GON4L: variants seen among roughly 807,000 people sequenced by gnomAD.
GON4L encodes the protein gon-4 like.
GON4L carries 87 observed loss-of-function variants against 211.8 expected under a neutral mutation model. That is an observed-to-expected ratio of 0.41 (90% confidence interval 0.35 to 0.49). GON4L has a LOEUF of 0.49. Among genes scored for constraint, GON4L ranks in the 20% least tolerant of loss-of-function variants. The probability of loss-of-function intolerance (pLI) is 0.15; values close to 1 mark genes in which losing one functional copy is unlikely to be tolerated. For missense variants in GON4L, 2,155 were observed against 2,659.5 expected (o/e 0.81, Z 4.17); for synonymous variants, 875 against 962.6 (o/e 0.91, Z 1.68).
intron 3 of GON4L, 92 bp downstream of exon 3, chr1:155,826,745 G>C: frequency 1.2e-6 from 1 of 842,656 alleles, no homozygotes; most frequent in East Asian, 2.6e-5. Context: ...AAAATATAGT[G>C]AATTCAGGAT....
chr1:155,832,673 A>C (rs963332939), intron 2 of GON4L, among the ~76,000 whole-genome samples: 11 of 152,134 alleles, frequency 7.2e-5, no homozygotes, highest in African/African-American at 2.7e-4. Context: ...TAACAACAAC[A>C]AAAAGGTATC....
At position 155,816,084 on chromosome 1, in the gene GON4L, G is replaced by A. The variant is rs149771634; in HGVS notation, c.1065+128C>T. 365 of 700,138 alleles carry A rather than the reference G, an allele frequency of 5.2e-4. 1 individual carries two copies. The African/African-American group carries it at 6.0e-3, about 12-fold the overall frequency. 43.4% of individuals were successfully genotyped at this position (700,138 alleles called of 1,614,324 possible). A position where few individuals can be genotyped will look rare whatever the true frequency, so the allele number is the denominator to read the frequency against. On this transcript the variant is annotated intron_variant, in intron 7 of 31. Coordinates refer to ENST00000368331, the MANE Select transcript of GON4L (RefSeq NM_001282860.2). ...ATGAGATACAAACCTAAGAGTAATA[G>A]AATGGAAAAAAACAAAGCTGGAATT...
intron 12 of GON4L, among the ~76,000 whole-genome samples, chr1:155,793,377 A>T (rs1028129941): frequency 3.3e-5 from 5 of 152,202 alleles, no homozygotes; most frequent in African/African-American, 1.2e-4. Context: ...CTTTACACAA[A>T]GAACTGCATT....
chr1:155,764,613 T>C (rs1662231458), intron 21 of GON4L: 2 of 436,412 alleles, frequency 4.6e-6, no homozygotes, highest in African/African-American at 2.0e-5. Flanking sequence ...CTAATTTTTG[T>C]TATTTTTAAT....
Position 155,765,504 on chromosome 1 carries a change from T to C in GON4L, c.3969A>G (p.Glu1323=), listed in dbSNP as rs138156750. Reference sequence around the variant, plus strand: ...CTTCTTCAGGTTCCATCTTGACAATTTCCTCTAAATCCCCAGGGGTAGGGT... The same window carrying C: ...CTTCTTCAGGTTCCATCTTGACAATCTCCTCTAAATCCCCAGGGGTAGGGT... ...LNNPTPGDLE[E]IVKMEPEEAR... The change falls in exon 21 of 32, where the codon GAA becomes GAG. Residue 1323 remains glutamate, a synonymous_variant. Transcript: ENST00000368331. 5 of 1,614,070 alleles carry C rather than the reference T, an allele frequency of 3.1e-6. No homozygotes were observed. The African/African-American group carries it at 6.7e-5, about 22-fold the overall frequency.
At position 155,763,454 on chromosome 1, in the gene GON4L, C is replaced by T. The variant is rs754443748; in HGVS notation, c.4584G>A (p.Glu1528=). 3.9e-6 allele frequency: 6 copies of T among 1,557,034 alleles called. 1 individual carries two copies. In the South Asian group the frequency reaches 5.9e-5, roughly 15 times the overall value. ...TTTCCATTCCTTCTGCTTCTTCTTC[C>T]TCCTCTTCTTCTGGCTCAGAGTTCT... ...QEENSEPEEE[E]EEEAEGMESL... Residue 1528 remains glutamate (E), a synonymous_variant, in exon 22 of 32, where the codon GAG becomes GAA. Transcript: ENST00000368331.
Position 155,753,301 on chromosome 1 carries a change from A to C in GON4L, c.5745T>G (p.Asp1915Glu). 6.2e-7 allele frequency: 1 copy of C among 1,611,936 alleles called. No homozygotes were observed. Among genetic ancestry groups the C allele is most frequent in the Non-Finnish European group, 8.5e-7 (1 of 1,179,534 alleles). Residue 1915 changes from aspartate (D) to glutamate (E), a missense_variant, in exon 29 of 32, where the codon GAT becomes GAG. Physicochemically the swap from Asp to Glu is conservative, Grantham distance 45 (BLOSUM62 2). Coordinates refer to ENST00000368331, the MANE Select transcript of GON4L (RefSeq NM_001282860.2). Reference protein sequence around the residue: ...PGAKEAGQGKDMMEEEAPEER... With the variant: ...PGAKEAGQGKEMMEEEAPEER... Reference sequence around the variant, plus strand: ...CCTCTGGGGCTTCCTCTTCCATCATATCCTTGCCCTGCCCAGCTTCCTTAG... The same window carrying C: ...CCTCTGGGGCTTCCTCTTCCATCATCTCCTTGCCCTGCCCAGCTTCCTTAG...
chr1:155,807,703 CAAAAA>C (rs61248477), intron 10 of GON4L, among the ~76,000 whole-genome samples: 11 of 52,910 alleles, frequency 2.1e-4, no homozygotes, highest in African/African-American at 6.5e-4. Flanking sequence ...GACTCCGTCT[CAAAAA>C]AAAAAAAAAA....
chr1:155,767,476 C>T lies in GON4L; in HGVS notation c.2712G>A (p.Gln904=). 2 of 1,612,640 alleles carry T rather than the reference C, an allele frequency of 1.2e-6. No individual in the cohort carries two copies. The highest frequency in any genetic ancestry group is 1.7e-6 in the Non-Finnish European group (2 of 1,178,854). The change falls in exon 20 of 32, where the codon CAG becomes CAA. Residue 904 remains glutamine (Q), a synonymous_variant. Transcript: ENST00000368331. Reference sequence around the variant, plus strand: ...CTTCTCTCTCTATAGGTGGCTTCCACTGATGTGGCTGGATCTCTTCACAGC... The same window carrying T: ...CTTCTCTCTCTATAGGTGGCTTCCATTGATGTGGCTGGATCTCTTCACAGC... ...GKCCEEIQPH[Q]WKPPIEREEH... is the part of the protein sequence containing the mutation.
At position 155,827,004 on chromosome 1, in the gene GON4L, C is replaced by T. The variant is rs761557567; in HGVS notation, c.530G>A (p.Gly177Glu). Residue 177 changes from glycine (G) to glutamate (E), a missense_variant, in exon 3 of 32, where the codon GGG becomes GAG. By Grantham distance (98) the Gly-to-Glu change is moderately conservative (BLOSUM62 -2). Coordinates refer to ENST00000368331, the MANE Select transcript of GON4L (RefSeq NM_001282860.2). ...EGGKPQMNSE[G>E]EIPSLPSGSQ... ...GCCTGATGGCAGGGAAGGTATCTCC[C>T]CTTCAGAATTCATTTGAGGTTTCCC... 6 of 1,613,508 alleles carry T rather than the reference C, an allele frequency of 3.7e-6. No homozygotes were observed. Among genetic ancestry groups the T allele is most frequent in the African/African-American group, 2.7e-5 (2 of 74,910 alleles).
intron 2 of GON4L, among the ~76,000 whole-genome samples, chr1:155,834,185 C>T (rs918728309): frequency 1.3e-5 from 2 of 152,172 alleles, no homozygotes; most frequent in Non-Finnish European, 2.9e-5. Flanking sequence ...CCTGAATCTA[C>T]TCTCCAAGAT....
intron 10 of GON4L, among the ~76,000 whole-genome samples, chr1:155,810,390 T>C (rs973188310): frequency 5.3e-5 from 8 of 152,104 alleles, no homozygotes; most frequent in Non-Finnish European, 8.8e-5. Context: ...GCAAGAATGA[T>C]AGGGGAAACT....
At chr1:155,763,598 T>G (rs1460277200) in intron 21 of GON4L, 34 bp from the exon 22 acceptor site, 1 of 1,495,416 alleles carries the variant, frequency 6.7e-7, no homozygotes, top group Non-Finnish European at 8.9e-7. Flanking sequence ...TTATAATGGC[T>G]CTTAGTGGCT....
intron 6 of GON4L, among the ~76,000 whole-genome samples, chr1:155,816,521 ACAATGT>A (rs1417993839): frequency 1.3e-5 from 2 of 152,188 alleles, no homozygotes; most frequent in African/African-American, 4.8e-5. Context: ...AATGAAGAAA[ACAATGT>A]CTACCTTGTT....
At chr1:155,857,252 G>T (rs1016744926), upstream of GON4L, 1 of 152,460 alleles carries the variant, frequency 6.6e-6, no homozygotes, top group Non-Finnish European at 1.5e-5. Context: ...TCGGAGCGCC[G>T]CGCCGCAGTG....
chr1:155,807,404 A>T (rs1172652629), intron 10 of GON4L, among the ~76,000 whole-genome samples: 1 of 151,956 alleles, frequency 6.6e-6, no homozygotes, highest in East Asian at 1.9e-4. Flanking sequence ...TCTTATTTAA[A>T]ATATTTATTT....
At chr1:155,774,326 T>G (rs1340630001) in intron 17 of GON4L, among the ~76,000 whole-genome samples, 3 of 106,728 alleles carry the variant, frequency 2.8e-5, no homozygotes, top group East Asian at 5.8e-4. Flanking sequence ...TTTTTTTTTT[T>G]GAGACTGAGT....
intron 14 of GON4L, among the ~76,000 whole-genome samples, chr1:155,780,086 A>G (rs769929117): frequency 2.3e-4 from 35 of 152,056 alleles, no homozygotes; most frequent in Non-Finnish European, 4.6e-4. Context: ...GGCGTGAGCC[A>G]CTGCACCCAG....
chr1:155,765,496 T>C lies in GON4L; in HGVS notation c.3977A>G (p.Lys1326Arg), dbSNP rs1018024136. Reference sequence around the variant, plus strand: ...CTCTCTAGCTTCTTCAGGTTCCATCTTGACAATTTCCTCTAAATCCCCAGG... The same window carrying C: ...CTCTCTAGCTTCTTCAGGTTCCATCCTGACAATTTCCTCTAAATCCCCAGG... The part of the protein sequence containing the change: ...PTPGDLEEIV[K>R]MEPEEAREEI... The change falls in exon 21 of 32, where the codon AAG becomes AGG. Residue 1326 changes from lysine to arginine, a missense_variant. Lys to Arg is a conservative substitution (Grantham distance 26). Around this residue, in one of 6 missense-constraint regions of GON4L, gnomAD observed 615 missense variants for 625.7 expected, o/e 0.98. Coordinates refer to ENST00000368331, the MANE Select transcript of GON4L (RefSeq NM_001282860.2). The C allele has an allele frequency of 6.2e-7, 1 of 1,614,200 alleles. No homozygotes were observed. The highest frequency in any genetic ancestry group is 8.5e-7 in the Non-Finnish European group (1 of 1,180,024).
Sources: gnomAD v4.1 joint callset for allele counts (sites outside exome capture counted in the v4.1 genomes callset) on GRCh38, gnomAD v4.1.1 for gene constraint, gnomAD v4.1.1 regional missense constraint, MANE v1.5 for transcripts, NCBI Gene and HGNC (gene_info 2026-07-23, HGNC 2026-07-21) for gene names.